Variants in NLRP7 observed in about 807,000 individuals in gnomAD.
NLRP7 encodes the protein NLR family pyrin domain containing 7, also known as NACHT, LRR and PYD domains-containing protein 7.
Under a neutral mutation model 85.5 loss-of-function variants are expected in NLRP7, and 72 were observed. That is an observed-to-expected ratio of 0.84 (90% CI 0.70 to 1.02). NLRP7 has a LOEUF of 1.02. Ranked by LOEUF, NLRP7 falls within the 50% of genes least tolerant of loss-of-function variation. The pLI is 0.00. For synonymous variants in NLRP7, 550 were observed against 505.2 expected (o/e 1.09, Z -1.19); for missense variants, 1,243 against 1,219.5 (o/e 1.02, Z -0.29).
chr19:54,940,251 T>C (rs764489117), exon 4 of NLRP7: 1 of 1,614,124 alleles, frequency 6.2e-7, no homozygotes, highest in South Asian at 1.1e-5. Flanking sequence ...AGCATACACT[T>C]TTTGGCCAGC....
At chr19:54,938,098 A>G in exon 5 of NLRP7, 1 of 1,614,142 alleles carries the variant, frequency 6.2e-7, no homozygotes, top group Non-Finnish European at 8.5e-7. Flanking sequence ...AAGAATCCGC[A>G]CAGAAGAGTC....
At position 54,923,874 on chromosome 19, in the gene NLRP7, T is replaced by C. The variant is rs755799809; in HGVS notation, c.2811-2A>G. 3.7e-6 allele frequency: 6 copies of C among 1,613,096 alleles called. No homozygotes were observed. Among genetic ancestry groups the C allele is most frequent in the Non-Finnish European group, 4.2e-6 (5 of 1,179,754 alleles). On this transcript the variant is annotated splice_acceptor_variant, in intron 9 of 9. Transcript: ENST00000340844. LOFTEE classifies it high-confidence loss of function. ...AAATTAGTTTCATAGGTCTTCAACC[T>C]GGAGGGATCAGAGAACACAAATGTT...
At chr19:54,962,668 C>T (rs1163765073) in intron 1 of NLRP7, among the ~76,000 whole-genome samples, 1 of 151,462 alleles carries the variant, frequency 6.6e-6, no homozygotes, top group East Asian at 1.9e-4. Flanking sequence ...GGCGCGATCT[C>T]AGCTCACTGC....
At position 54,930,559 on chromosome 19, in the gene NLRP7, C is replaced by T. The variant is rs371741023; in HGVS notation, c.2750G>A (p.Arg917His). The change falls in exon 9 of 10, where the codon CGT becomes CAT. Residue 917 changes from arginine (R) to histidine (H), a missense_variant. This residue lies in a region of NLRP7 where 613 missense variants were observed against 588.4 expected (regional missense o/e 1.04). Transcript: ENST00000340844. The stretch of plus-strand genomic sequence containing the variant: ...TGCCTGACAGAGAATCCACAATCCA[C>T]GAGCTATCTGGTTGATACTCAAGTC... 223 of 1,612,256 alleles carry T rather than the reference C, an allele frequency of 1.4e-4. 1 individual carries two copies. The highest frequency in any genetic ancestry group is 1.7e-4 in the Non-Finnish European group (202 of 1,178,444).
At chr19:54,955,747 A>C (rs2069830100) in intron 1 of NLRP7, among the ~76,000 whole-genome samples, 1 of 151,980 alleles carries the variant, frequency 6.6e-6, no homozygotes, top group South Asian at 2.1e-4. Context: ...AGATCGTGCC[A>C]CTGCACTTCA....
intron 1 of NLRP7, among the ~76,000 whole-genome samples, chr19:54,944,153 T>A (rs573994299): frequency 6.6e-6 from 1 of 150,622 alleles, no homozygotes; most frequent in Admixed American, 6.6e-5. Flanking sequence ...CCGTAAAGGG[T>A]CTGTGCTGAA....
chr19:54,942,462 G>A (rs2069275799), intron 1 of NLRP7, among the ~76,000 whole-genome samples: 1 of 151,938 alleles, frequency 6.6e-6, no homozygotes, highest in East Asian at 1.9e-4. Flanking sequence ...GGTGGCTCAC[G>A]CCTGTAATCC....
intron 1 of NLRP7, among the ~76,000 whole-genome samples, chr19:54,958,072 T>C (rs1428101378): frequency 6.6e-6 from 1 of 151,392 alleles, no homozygotes; most frequent in Non-Finnish European, 1.5e-5. Flanking sequence ...AAAATTAGCT[T>C]GGTATGGTGG....
intron 1 of NLRP7, among the ~76,000 whole-genome samples, chr19:54,962,066 G>C (rs1471913563): frequency 6.7e-6 from 1 of 149,744 alleles, no homozygotes; most frequent in East Asian, 2.0e-4. Context: ...AGGAGTCTGA[G>C]GCAGGAGAAT....
chr19:54,956,554 C>T (rs564947634), intron 1 of NLRP7, among the ~76,000 whole-genome samples: 9 of 151,514 alleles, frequency 5.9e-5, no homozygotes, highest in African/African-American at 1.7e-4. Context: ...ATTAGCTGGG[C>T]GCGGTGGCAG....
exon 4 of NLRP7, chr19:54,940,222 G>A (rs1427080905): frequency 1.2e-6 from 2 of 1,614,074 alleles, no homozygotes; most frequent in Admixed American, 3.3e-5. Flanking sequence ...TCGGGCTGAG[G>A]TTGCAGTCTG....
At chr19:54,925,172 G>A (rs940796652) in intron 9 of NLRP7, among the ~76,000 whole-genome samples, 9 of 152,064 alleles carry the variant, frequency 5.9e-5, no homozygotes, top group African/African-American at 1.2e-4. Context: ...TCCCAAAGGA[G>A]GAACTGAGGA....
intron 1 of NLRP7, chr19:54,953,082 AAAG>A (rs2069723455): frequency 6.6e-6 from 1 of 151,244 alleles, no homozygotes; most frequent in East Asian, 1.9e-4. Flanking sequence ...GTTGCAGTAA[AAAG>A]AAAAAAAAAA....
At chr19:54,937,246 G>T (rs1297481626) in intron 5 of NLRP7, among the ~76,000 whole-genome samples, 1 of 151,566 alleles carries the variant, frequency 6.6e-6, no homozygotes, top group Non-Finnish European at 1.5e-5. Context: ...AGAAGCAGAG[G>T]ATCAGGAAAA....
chr19:54,930,394 C>T (rs1182194537), intron 9 of NLRP7, 105 bp downstream of exon 9: 12 of 782,522 alleles, frequency 1.5e-5, no homozygotes, highest in Non-Finnish European at 2.0e-5. Flanking sequence ...CCTGGAAGAC[C>T]GAAGCCGCAG....
At chr19:54,939,777 C>T in exon 4 of NLRP7, 1 of 1,613,942 alleles carries the variant, frequency 6.2e-7, no homozygotes, top group Non-Finnish European at 8.5e-7. Flanking sequence ...CTCATTAGCT[C>T]AAAGGCACGC....
At chr19:54,957,847 C>A (rs1287824275) in intron 1 of NLRP7, among the ~76,000 whole-genome samples, 4 of 152,148 alleles carry the variant, frequency 2.6e-5, no homozygotes, top group Non-Finnish European at 5.9e-5. Flanking sequence ...CTCTCCTCCA[C>A]ACTGGAGGGC....
Position 54,941,752 on chromosome 19 carries a change from T to C in NLRP7, c.-39-2A>G, listed in dbSNP as rs912612949. ...AGACCTTAGGTTAAGGCTGAAGAAC[T>C]GGGGGGAAAAAAGGAAAAACAGTTC... On this transcript the variant is annotated splice_acceptor_variant, in intron 1 of 9. Transcript: ENST00000340844. LOFTEE classifies it low-confidence loss of function (5UTR_SPLICE). 3 of 1,585,330 alleles carry C rather than the reference T, an allele frequency of 1.9e-6. No individual in the cohort carries two copies. Among genetic ancestry groups the C allele is most frequent in the Non-Finnish European group, 8.5e-7 (1 of 1,169,906 alleles).
At chr19:54,938,675 A>C (rs961469572) in intron 4 of NLRP7, among the ~76,000 whole-genome samples, 13 of 152,158 alleles carry the variant, frequency 8.5e-5, no homozygotes, top group Non-Finnish European at 1.9e-4. Flanking sequence ...GCAGTGAGCC[A>C]AGATCGCGCC....
Sources: gnomAD v4.1 joint callset for allele counts (sites outside exome capture counted in the v4.1 genomes callset) on GRCh38, gnomAD v4.1.1 for gene constraint, gnomAD v4.1.1 regional missense constraint, MANE v1.5 for transcripts, NCBI Gene and HGNC (gene_info 2026-07-23, HGNC 2026-07-21) for gene names.